PLA2G4F: variants seen among roughly 807,000 people sequenced by gnomAD.
PLA2G4F encodes phospholipase A2 group IVF, also known as cytosolic phospholipase A2 zeta.
PLA2G4F carries 105 observed loss-of-function variants against 103.1 expected under a neutral mutation model. The observed-to-expected ratio is 1.02, with a 90% CI of 0.87 to 1.20. The LOEUF (loss-of-function observed/expected upper bound fraction) is 1.20. Ranked by LOEUF, PLA2G4F falls within the 50% of genes most tolerant of loss-of-function variation. The pLI is 0.00. For synonymous variants in PLA2G4F, 468 were observed against 441.1 expected (o/e 1.06, Z -0.76); for missense variants, 1,155 against 1,075.9 (o/e 1.07, Z -1.03).
At chr15:42,146,013 T>C (rs1208621557) in intron 14 of PLA2G4F, 110 bp from the exon 15 acceptor site, 5 of 1,583,598 alleles carry the variant, frequency 3.2e-6, no homozygotes, top group Non-Finnish European at 2.6e-6. Flanking sequence ...AGCCCCGCTG[T>C]GCTCCAAGGT....
chr15:42,150,054 C>T (rs766689644), intron 10 of PLA2G4F, 50 bp downstream of exon 10: 42 of 1,612,036 alleles, frequency 2.6e-5, no homozygotes, highest in African/African-American at 6.7e-5. Context: ...GGTATGTCCC[C>T]GCACTTCTAG....
intron 7 of PLA2G4F, 57 bp downstream of exon 7, chr15:42,152,631 A>T (rs1187364838): frequency 6.6e-7 from 1 of 1,523,666 alleles, no homozygotes; most frequent in Non-Finnish European, 8.9e-7. Flanking sequence ...CCTTGACATC[A>T]GTAGTTCCAA....
intron 6 of PLA2G4F, 25 bp downstream of exon 6, chr15:42,153,275 C>A: frequency 1.2e-6 from 2 of 1,612,312 alleles, no homozygotes; most frequent in Non-Finnish European, 1.7e-6. Context: ...CCCAGAACAG[C>A]GCCAAGCTTG....
rs2048831801 is a variant in PLA2G4F at position 42,142,117 on chromosome 15, G to A, written c.2417C>T (p.Thr806Ile). 2 of 1,614,210 alleles carry A rather than the reference G, an allele frequency of 1.2e-6. No individual in the cohort carries two copies. The highest frequency in any genetic ancestry group is 1.7e-5 in the Admixed American group (1 of 60,028). Residue 806 changes from threonine (T) to isoleucine (I), a missense_variant, in exon 20 of 20, where the codon ACC (threonine) becomes ATC (isoleucine). By Grantham distance (89) the Thr-to-Ile change is moderately conservative. Transcript: ENST00000397272. ...PDTPYGMMNFTYEPQDFYRLV... is the reference protein window; with the variant it reads ...PDTPYGMMNFIYEPQDFYRLV... ...CCGATAAAAGTCCTGGGGCTCATAG[G>A]TGAAGTTCATCATGCCATAGGGGGT...
At position 42,145,625 on chromosome 15, in the gene PLA2G4F, C is replaced by A. The variant is rs755199813; in HGVS notation, c.1730G>T (p.Gly577Val). 33 of 1,614,040 alleles carry A rather than the reference C, an allele frequency of 2.0e-5. No homozygotes were observed. The highest frequency in any genetic ancestry group is 2.6e-5 in the Non-Finnish European group (31 of 1,180,026). The change falls in exon 16 of 20, where the codon GGC becomes GTC. Residue 577 changes from glycine to valine, a missense_variant. Coordinates refer to ENST00000397272, the MANE Select transcript of PLA2G4F (RefSeq NM_213600.4). ...SLDEIFLKTA[G>V]SGLSFLEWYR... ...CCACTCCAGGAAGCTGAGGCCCGAG[C>A]CGGCGGTCTTTAGGAAGATCTCATC...
At position 42,147,759 on chromosome 15, in the gene PLA2G4F, GCAC is replaced by G; in HGVS notation, c.1060_1062del (p.Val354del). The G allele has an allele frequency of 6.2e-7, 1 of 1,613,392 alleles. No homozygotes were observed. Among genetic ancestry groups the G allele is most frequent in the African/African-American group, 1.3e-5 (1 of 75,006 alleles). ...CCGGAACCCAACACAGCCACTACAG[GCAC>G]CTGGGTACAATAATAACAAGGATAA... On this transcript the variant is annotated inframe_deletion and splice_region_variant, in exon 12 of 20. Transcript: ENST00000397272.
Position 42,150,683 on chromosome 15 carries a change from G to C in PLA2G4F, c.696C>G (p.Thr232=). The change falls in exon 8 of 20, where the codon ACC becomes ACG. Residue 232 remains threonine (T), a synonymous_variant. Coordinates refer to ENST00000397272, the MANE Select transcript of PLA2G4F (RefSeq NM_213600.4). ...GCACTGGGTTCACGTGGAAGGTAAA[G>C]GTGGGTGGGAGGCCTGGCTCTGTGG... is the stretch of plus-strand genomic sequence containing the variant. ...QPPTEPGLPP[T]FTFHVNPVLS... The C allele has an allele frequency of 6.2e-7, 1 of 1,613,836 alleles. No individual in the cohort carries two copies. Among genetic ancestry groups the C allele is most frequent in the Non-Finnish European group, 8.5e-7 (1 of 1,179,940 alleles).
chr15:42,142,735 G>C, intron 18 of PLA2G4F, 21 bp from the exon 19 acceptor site: 1 of 1,613,234 alleles, frequency 6.2e-7, no homozygotes, highest in Non-Finnish European at 8.5e-7. Flanking sequence ...GCAAGCCTCT[G>C]ACTCTGCCTT....
intron 7 of PLA2G4F, among the ~76,000 whole-genome samples, chr15:42,152,143 G>A (rs1349064890): frequency 6.6e-6 from 1 of 152,146 alleles, no homozygotes; most frequent in African/African-American, 2.4e-5. Flanking sequence ...TTCTCATTCT[G>A]CCATGTGACT....
intron 7 of PLA2G4F, chr15:42,151,072 G>A (rs1182223501): frequency 1.0e-6 from 1 of 985,412 alleles, no homozygotes; most frequent in Admixed American, 6.1e-5. Flanking sequence ...AGAGCCTGTG[G>A]GGCTGATGAT....
rs2049015236 is a variant in PLA2G4F, at chr15:42,156,386, A to C, written c.111+53T>G. On this transcript the variant is annotated intron_variant, in intron 1 of 19. Transcript: ENST00000397272. The stretch of plus-strand genomic sequence containing the variant: ...GGTCTCAGTCTTCACAGGGCACTGC[A>C]GCTCCCAGGACTCCCCCAGTCCGGG... The C allele has an allele frequency of 5.5e-6, 8 of 1,454,056 alleles. No individual in the cohort carries two copies. In the Admixed American group the frequency reaches 1.6e-4, roughly 29 times the overall value. The allele number at this position is 1,454,056 out of a possible 1,614,324, so 90.1% of individuals were successfully genotyped here. A position where few individuals can be genotyped will look rare whatever the true frequency, so the allele number is the denominator to read the frequency against.
Position 42,142,430 on chromosome 15 carries a change from T to G in PLA2G4F, c.2329+98A>C, listed in dbSNP as rs565056027. 1.1e-4 allele frequency: 154 copies of G among 1,404,072 alleles called. No homozygotes were observed. In the East Asian group the frequency reaches 3.6e-3, roughly 33 times the overall value. The allele number at this position is 1,404,072 out of a possible 1,614,324, so 87.0% of individuals were successfully genotyped here. A position where few individuals can be genotyped will look rare whatever the true frequency, so the allele number is the denominator to read the frequency against. On this transcript the variant is annotated intron_variant, in intron 19 of 19. Transcript: ENST00000397272. The stretch of plus-strand genomic sequence containing the variant: ...GCCAGCTCAGGCCCACCAGGAGGCG[T>G]GCTTAGTGACATTCTCCAGGGAACC...
intron 12 of PLA2G4F, 63 bp from the exon 13 acceptor site, chr15:42,147,409 CAG>C (rs2048904280): frequency 6.6e-7 from 1 of 1,513,138 alleles, no homozygotes; most frequent in Non-Finnish European, 9.0e-7. Context: ...GAGAGGGGTG[CAG>C]AGTCTGTGAG....
chr15:42,149,039 G>C, intron 11 of PLA2G4F: 1 of 985,352 alleles, frequency 1.0e-6, no homozygotes, highest in Non-Finnish European at 1.2e-6. Context: ...TCCCCTGTAA[G>C]TCCCTCTCTC....
At position 42,142,568 on chromosome 15, in the gene PLA2G4F, G is replaced by T. The variant is rs772239434; in HGVS notation, c.2289C>A (p.Phe763Leu). 5 of 1,614,020 alleles carry T rather than the reference G, an allele frequency of 3.1e-6. No individual in the cohort carries two copies. The South Asian group carries it at 5.5e-5, about 18-fold the overall frequency. The part of the protein sequence containing the change: ...EDPRSPIVLH[F>L]PLVNRTFRTH... Reference sequence around the variant, plus strand: ...TGCGGAAGGTACGGTTAACCAGGGGGAAGTGCAGCACAATGGGGGAGCGGG... The same window carrying T: ...TGCGGAAGGTACGGTTAACCAGGGGTAAGTGCAGCACAATGGGGGAGCGGG... The change falls in exon 19 of 20, where the codon TTC (phenylalanine) becomes TTA (leucine). Residue 763 changes from phenylalanine (F) to leucine (L), a missense_variant. Physicochemically the swap from Phe to Leu is conservative, Grantham distance 22 (BLOSUM62 0). Around this residue, in one of 3 missense-constraint regions of PLA2G4F, gnomAD observed 782 missense variants for 692.9 expected, o/e 1.13. Transcript: ENST00000397272.
intron 7 of PLA2G4F, 107 bp downstream of exon 7, chr15:42,152,581 G>A (rs1566881615): frequency 1.7e-6 from 2 of 1,162,474 alleles, no homozygotes; most frequent in East Asian, 5.1e-5. Flanking sequence ...TCGGCTTTGA[G>A]CAATGAAAAC....
rs770751768 is a variant in PLA2G4F at position 42,141,964 on chromosome 15, T to A, written c.*20A>T. The A allele has an allele frequency of 4.4e-6, 7 of 1,602,282 alleles. No individual in the cohort carries two copies. The African/African-American group carries it at 8.0e-5, about 18-fold the overall frequency. Reference sequence around the variant, plus strand: ...GCAGTGTGTCTCCTCTCTGTCACAGTCCTCCGCTTCCTGCCTTGGTCAGGC... The same window carrying A: ...GCAGTGTGTCTCCTCTCTGTCACAGACCTCCGCTTCCTGCCTTGGTCAGGC... On this transcript the variant is annotated 3_prime_UTR_variant, in exon 20 of 20. Transcript: ENST00000397272.
chr15:42,147,469 A>C, intron 12 of PLA2G4F, 123 bp from the exon 13 acceptor site: 1 of 1,369,866 alleles, frequency 7.3e-7, no homozygotes, highest in Non-Finnish European at 1.0e-6. Context: ...AAACAACCCA[A>C]CTCAGAGGGG....
At chr15:42,148,304 G>A (rs867231938) in intron 11 of PLA2G4F, among the ~76,000 whole-genome samples, 2 of 152,146 alleles carry the variant, frequency 1.3e-5, no homozygotes, top group Non-Finnish European at 2.9e-5. Context: ...TAAGCAGTAT[G>A]GCTCCAGAGA....
Sources: allele counts gnomAD v4.1 joint callset (sites outside exome capture counted in the v4.1 genomes callset), GRCh38; gene constraint gnomAD v4.1.1; regional missense constraint gnomAD v4.1.1; transcripts MANE v1.5; gene names NCBI Gene and HGNC (gene_info 2026-07-23, HGNC 2026-07-21).